TECRL: variants seen among roughly 807,000 people sequenced by gnomAD.
The protein encoded by TECRL is trans-2,3-enoyl-CoA reductase-like.
A neutral mutation model predicts 52.8 loss-of-function variants in TECRL; 63 were observed. That is an observed-to-expected ratio of 1.19 (90% CI 0.97 to 1.47). The LOEUF (loss-of-function observed/expected upper bound fraction) is 1.47. Ranked by LOEUF, TECRL falls within the 40% of genes most tolerant of loss-of-function variation. The pLI, the probability that TECRL is intolerant of heterozygous loss-of-function variation, is 0.00. For synonymous variants in TECRL, 164 were observed against 141.9 expected (o/e 1.16, Z -1.10); for missense variants, 482 against 429.6 (o/e 1.12, Z -1.08).
chr4:64,310,058 A>G, intron 5 of TECRL, 127 bp from the exon 6 acceptor site: 2 of 555,938 alleles, frequency 3.6e-6, no homozygotes, highest in Non-Finnish European at 6.3e-6. Flanking sequence ...CTGGTAGCTA[A>G]AACACAAATA....
chr4:64,338,739 T>C (rs1719319202), intron 2 of TECRL, among the ~76,000 whole-genome samples: 1 of 152,258 alleles, frequency 6.6e-6, no homozygotes, highest in South Asian at 2.1e-4. Context: ...TGAAATATCA[T>C]CTCACACCAG....
intron 1 of TECRL, among the ~76,000 whole-genome samples, chr4:64,402,478 T>C (rs1234435499): frequency 6.6e-6 from 1 of 152,098 alleles, no homozygotes; most frequent in Non-Finnish European, 1.5e-5. Flanking sequence ...ACAGTAATAA[T>C]AGATATTTGA....
At chr4:64,375,119 T>A (rs1008685779) in intron 2 of TECRL, 53 bp downstream of exon 2, 2 of 949,926 alleles carry the variant, frequency 2.1e-6, no homozygotes, top group African/African-American at 3.5e-5. Flanking sequence ...AATTTAAACC[T>A]ATTTGAAAAT....
chr4:64,364,571 G>A (rs551404216), intron 2 of TECRL, among the ~76,000 whole-genome samples: 11 of 151,854 alleles, frequency 7.2e-5, no homozygotes, highest in African/African-American at 2.7e-4. Flanking sequence ...AAATGATATA[G>A]ATAACATTAC....
rs139263911 is a variant in TECRL at position 64,349,276 on chromosome 4, G to A, written c.287-20720C>T. On this transcript the variant is annotated intron_variant, in intron 2 of 11. Transcript: ENST00000381210. ...ACCTCCCGAGTAGCTGGCATTACAG[G>A]CACGCACCCCTACACCAGGCTAATT... Among the ~76,000 whole-genome samples the A allele has an allele frequency of 2.2e-3, 337 of 151,800 alleles. 1 individual carries two copies. The highest frequency in any genetic ancestry group is 5.5e-3 in the Admixed American group (83 of 15,214).
intron 4 of TECRL, among the ~76,000 whole-genome samples, chr4:64,316,006 C>A (rs1480203568): frequency 9.2e-5 from 14 of 151,950 alleles, no homozygotes; most frequent in Non-Finnish European, 1.9e-4. Flanking sequence ...CCCCATTATT[C>A]TATAGAAAAT....
chr4:64,343,025 A>G (rs1396828130), intron 2 of TECRL, among the ~76,000 whole-genome samples: 1 of 152,148 alleles, frequency 6.6e-6, no homozygotes, highest in African/African-American at 2.4e-5. Flanking sequence ...AAAAAATAAT[A>G]GTACAGTTAA....
intron 2 of TECRL, among the ~76,000 whole-genome samples, chr4:64,374,068 T>TGTATATAGTAGATAC (rs1722191672): frequency 1.0e-5 from 1 of 96,442 alleles, no homozygotes; most frequent in African/African-American, 3.9e-5. Flanking sequence ...TATATATATA[T>TGTATATAGTAGATAC]ATATATATAT....
intron 9 of TECRL, among the ~76,000 whole-genome samples, chr4:64,283,994 G>A (rs887666797): frequency 6.6e-6 from 1 of 151,938 alleles, no homozygotes; most frequent in African/African-American, 2.4e-5. Flanking sequence ...GGGGCTGACA[G>A]AGAACAAAAA....
At chr4:64,391,217 C>A (rs1384713) in intron 1 of TECRL, among the ~76,000 whole-genome samples, 151,492 of 151,924 alleles carry the variant, frequency 1, 75,530 homozygotes, top group South Asian at 1. Flanking sequence ...TGAACCATGA[C>A]GGTTCAACAC....
At chr4:64,371,400 A>G (rs1032826305) in intron 2 of TECRL, among the ~76,000 whole-genome samples, 2 of 151,252 alleles carry the variant, frequency 1.3e-5, no homozygotes, top group African/African-American at 2.4e-5. Flanking sequence ...ATAATAAATA[A>G]TTAGAAATAA....
intron 4 of TECRL, among the ~76,000 whole-genome samples, chr4:64,320,093 A>T (rs1717794766): frequency 6.6e-6 from 1 of 151,942 alleles, no homozygotes; most frequent in Non-Finnish European, 1.5e-5. Flanking sequence ...ACATGAATTA[A>T]TACAAAAATG....
chr4:64,285,474 C>T (rs542356586), intron 9 of TECRL, among the ~76,000 whole-genome samples: 15 of 152,174 alleles, frequency 9.9e-5, no homozygotes, highest in African/African-American at 3.1e-4. Context: ...TTAAATGGTT[C>T]CCTTCTAGAC....
chr4:64,289,732 C>A lies in TECRL; in HGVS notation c.810G>T (p.Met270Ile), dbSNP rs760929056. ...CEAGNHFINV[M>I]LSHPNHTGNN... ...AACCTGTGTGATTGGGATGAGACAACATTACATTGATGAAATGATTCCCAG... is the reference window on the plus strand; with the variant it reads ...AACCTGTGTGATTGGGATGAGACAAAATTACATTGATGAAATGATTCCCAG... Residue 270 changes from methionine to isoleucine, a missense_variant, in exon 9 of 12, where the codon ATG becomes ATT. Coordinates refer to ENST00000381210, the MANE Select transcript of TECRL (RefSeq NM_001010874.5). 1 of 1,549,822 alleles carries A rather than the reference C, an allele frequency of 6.5e-7. No individual in the cohort carries two copies. The highest frequency in any genetic ancestry group is 2.2e-5 in the Admixed American group (1 of 45,554).
Position 64,305,181 on chromosome 4 carries a change from G to A in TECRL, c.715C>T (p.Leu239=), listed in dbSNP as rs1320465492. Residue 239 remains leucine, a synonymous_variant, in exon 7 of 12, where the codon CTA becomes TTA. Coordinates refer to ENST00000381210, the MANE Select transcript of TECRL (RefSeq NM_001010874.5). ...SWIAYYINHP[L]YTPPSFGNRQ... The stretch of plus-strand genomic sequence containing the variant: ...CCCTACATACATGGTGGTGTATATA[G>A]TGGATGATTAATGTAGTAGGCAATC... 4 of 1,612,592 alleles carry A rather than the reference G, an allele frequency of 2.5e-6. No homozygotes were observed. Among genetic ancestry groups the A allele is most frequent in the Non-Finnish European group, 3.4e-6 (4 of 1,179,060 alleles).
At chr4:64,366,528 A>G (rs1721607392) in intron 2 of TECRL, among the ~76,000 whole-genome samples, 1 of 151,792 alleles carries the variant, frequency 6.6e-6, no homozygotes, top group African/African-American at 2.4e-5. Context: ...ACAAAGGTCT[A>G]GTATCCAGCT....
At chr4:64,381,065 C>T (rs1201796413) in intron 1 of TECRL, among the ~76,000 whole-genome samples, 1 of 151,996 alleles carries the variant, frequency 6.6e-6, no homozygotes, top group Non-Finnish European at 1.5e-5. Flanking sequence ...GTGTCCTCTT[C>T]AATTTCTTTC....
intron 1 of TECRL, among the ~76,000 whole-genome samples, chr4:64,398,065 A>G (rs1577993554): frequency 2.7e-5 from 3 of 112,952 alleles, no homozygotes; most frequent in African/African-American, 8.4e-5. Context: ...TACAATGTGT[A>G]TATTTCATTA....
At chr4:64,353,329 C>A (rs9992295) in intron 2 of TECRL, among the ~76,000 whole-genome samples, 100,796 of 151,888 alleles carry the variant, frequency 0.66, 34,797 homozygotes, top group Non-Finnish European at 0.76. Flanking sequence ...GCTAGAGGTA[C>A]TAAAGAATGG....
Sources: gnomAD v4.1 joint callset for allele counts (sites outside exome capture counted in the v4.1 genomes callset) on GRCh38, gnomAD v4.1.1 for gene constraint, MANE v1.5 for transcripts, NCBI Gene and HGNC (gene_info 2026-07-23, HGNC 2026-07-21) for gene names.